MAD1L1: variants seen among roughly 807,000 people sequenced by gnomAD.
MAD1L1 encodes mitotic arrest deficient 1 like 1, also known as mitotic spindle assembly checkpoint protein MAD1.
Under a neutral mutation model 96.9 loss-of-function variants are expected in MAD1L1, and 95 were observed. The ratio of observed to expected loss-of-function variants is 0.98; its 90% CI spans 0.83 to 1.16. The LOEUF (loss-of-function observed/expected upper bound fraction) is 1.16, where lower values mean the gene tolerates loss of function less well. Among genes scored for constraint, MAD1L1 ranks in the 50% most tolerant of loss-of-function variants. The pLI is 0.00. For synonymous variants in MAD1L1, 473 were observed against 396.6 expected, an observed-to-expected ratio of 1.19 and a Z score of -2.29; for missense variants, 1,007 against 954.4, an observed-to-expected ratio of 1.06 and a Z score of -0.73.
chr7:2,020,592 C>T (rs772434614), intron 12 of MAD1L1, among the ~76,000 whole-genome samples: 26 of 152,154 alleles, frequency 1.7e-4, no homozygotes, highest in Non-Finnish European at 2.4e-4. Context: ...CTCACCTGCC[C>T]GGGCTGCCCT....
At chr7:2,048,915 C>T (rs555380883) in intron 12 of MAD1L1, among the ~76,000 whole-genome samples, 2 of 152,344 alleles carry the variant, frequency 1.3e-5, no homozygotes, top group African/African-American at 4.8e-5. Context: ...CTGACCGCGT[C>T]AACCATGCTG....
chr7:2,035,309 C>G (rs866940613), intron 12 of MAD1L1, among the ~76,000 whole-genome samples: 1 of 144,062 alleles, frequency 6.9e-6, no homozygotes, highest in African/African-American at 2.7e-5. Flanking sequence ...CAGGCATGAG[C>G]GCAGGAGCAC....
At chr7:2,105,466 C>T (rs565171424) in intron 11 of MAD1L1, among the ~76,000 whole-genome samples, 1 of 152,156 alleles carries the variant, frequency 6.6e-6, no homozygotes, top group South Asian at 2.1e-4. Flanking sequence ...GCACAGCCTG[C>T]GCTGGGGCAA....
intron 18 of MAD1L1, among the ~76,000 whole-genome samples, chr7:1,875,874 G>A (rs1785360739): frequency 6.6e-6 from 1 of 152,210 alleles, no homozygotes; most frequent in Admixed American, 6.5e-5. Flanking sequence ...TCTGATGAAG[G>A]TCATAAGGGT....
intron 11 of MAD1L1, among the ~76,000 whole-genome samples, chr7:2,092,291 C>G (rs1441364605): frequency 1.3e-5 from 2 of 152,214 alleles, no homozygotes; most frequent in African/African-American, 2.4e-5. Context: ...CAGGGTCTCT[C>G]TCTGTCTCCC....
At chr7:2,046,162 C>T (rs1176647177) in intron 12 of MAD1L1, among the ~76,000 whole-genome samples, 3 of 152,176 alleles carry the variant, frequency 2.0e-5, no homozygotes, top group East Asian at 1.9e-4. Flanking sequence ...GCAGGCCCCA[C>T]GCCCCAGGTG....
At chr7:2,164,865 C>A (rs997409259) in intron 10 of MAD1L1, among the ~76,000 whole-genome samples, 4 of 152,092 alleles carry the variant, frequency 2.6e-5, no homozygotes, top group African/African-American at 9.7e-5. Context: ...CAAGAGTGGG[C>A]AGGTGACATC....
chr7:1,983,817 T>C (rs1282316874), intron 14 of MAD1L1, among the ~76,000 whole-genome samples: 2 of 152,172 alleles, frequency 1.3e-5, no homozygotes, highest in East Asian at 1.9e-4. Flanking sequence ...TGATACTTTC[T>C]ATCAATTTTT....
intron 18 of MAD1L1, among the ~76,000 whole-genome samples, chr7:1,868,762 C>T (rs1784900934): frequency 6.6e-6 from 1 of 152,240 alleles, no homozygotes; most frequent in Non-Finnish European, 1.5e-5. Flanking sequence ...CAACAGGACG[C>T]AGTGACGACC....
chr7:2,161,934 G>C (rs1790160502), intron 10 of MAD1L1, among the ~76,000 whole-genome samples: 1 of 143,538 alleles, frequency 7.0e-6, no homozygotes, highest in African/African-American at 2.5e-5. Flanking sequence ...GGGAGGTGGG[G>C]GGCAGCCCCC....
rs777423150 is a variant in MAD1L1 at position 2,175,879 on chromosome 7, C to T, written c.987-26641G>A. 4.7e-4 allele frequency among the ~76,000 whole-genome samples: 71 copies of T among 152,136 alleles called. 2 individuals are homozygous for T. Among genetic ancestry groups the T allele is most frequent in the African/African-American group, 4.8e-5 (2 of 41,430 alleles). On this transcript the variant is annotated intron_variant, in intron 10 of 18. Coordinates refer to ENST00000265854, the MANE Select transcript of MAD1L1 (RefSeq NM_001013836.2). ...TTAAAAACAGATGGAAAAACTACAA[C>T]GGTGAGAAATCAACCAAGTCAAAAA...
At chr7:1,863,112 G>C (rs1784608417) in intron 18 of MAD1L1, among the ~76,000 whole-genome samples, 2 of 152,282 alleles carry the variant, frequency 1.3e-5, no homozygotes, top group Non-Finnish European at 2.9e-5. Context: ...AACCAGAGGA[G>C]GGAGCCCCAA....
chr7:2,023,897 C>T (rs911895916), intron 12 of MAD1L1, among the ~76,000 whole-genome samples: 9 of 151,668 alleles, frequency 5.9e-5, no homozygotes, highest in Admixed American at 2.6e-4. Context: ...TGCAGTGAGC[C>T]GAGATCACGC....
intron 12 of MAD1L1, among the ~76,000 whole-genome samples, chr7:2,029,928 C>G (rs952448541): frequency 2.6e-5 from 4 of 152,132 alleles, no homozygotes; most frequent in African/African-American, 9.7e-5. Flanking sequence ...AGTAAAAATC[C>G]AAGGAACAGA....
intron 16 of MAD1L1, among the ~76,000 whole-genome samples, chr7:1,950,738 G>A (rs1779455005): frequency 6.6e-6 from 1 of 152,218 alleles, no homozygotes; most frequent in African/African-American, 2.4e-5. Flanking sequence ...GGGTGCTCTA[G>A]TGGGGCCGTT....
At chr7:2,023,086 C>T (rs765907126) in intron 12 of MAD1L1, among the ~76,000 whole-genome samples, 2 of 152,212 alleles carry the variant, frequency 1.3e-5, no homozygotes, top group Admixed American at 6.5e-5. Context: ...TTCACTGTTA[C>T]AGTTGGAGGC....
intron 16 of MAD1L1, among the ~76,000 whole-genome samples, chr7:1,946,516 C>T (rs569812425): frequency 2.6e-5 from 4 of 152,360 alleles, no homozygotes; most frequent in South Asian, 4.1e-4. Context: ...GAGACGCTGA[C>T]GAGAATCTCA....
chr7:2,131,315 C>T (rs1362941590), intron 11 of MAD1L1, among the ~76,000 whole-genome samples: 5 of 152,194 alleles, frequency 3.3e-5, no homozygotes, highest in African/African-American at 1.2e-4. Context: ...CTCACTTCTC[C>T]ACCTTGTGAT....
In MAD1L1 at chr7:1,980,458, C is replaced by G. The variant is rs1271936263; in HGVS notation, c.1500G>C (p.Thr500=). The change falls in exon 15 of 19, where the codon ACG becomes ACC. Residue 500 remains threonine (T), a synonymous_variant. Coordinates refer to ENST00000265854, the MANE Select transcript of MAD1L1 (RefSeq NM_001013836.2). ...SFLFSREEAD[T]LRLKVEELEG... ...CTCCTCTCTGGGGGACGTACCTGAG[C>G]GTGTCCGCCTCCTCCCTGGAGAACA... is the stretch of plus-strand genomic sequence containing the variant. The G allele has an allele frequency of 6.2e-7, 1 of 1,611,420 alleles. No individual in the cohort carries two copies. Among genetic ancestry groups the G allele is most frequent in the Middle Eastern group, 1.7e-4 (1 of 6,054 alleles).
Sources: allele counts gnomAD v4.1 joint callset (sites outside exome capture counted in the v4.1 genomes callset), GRCh38; gene constraint gnomAD v4.1.1; transcripts MANE v1.5; gene names NCBI Gene and HGNC (gene_info 2026-07-23, HGNC 2026-07-21).